The following WDR35 variants were observed in gnomAD, a reference collection of about 807,000 sequenced individuals.
WDR35 encodes the protein WD repeat-containing protein 35.
Under a neutral mutation model 158.3 loss-of-function variants are expected in WDR35, and 118 were observed. That is an observed-to-expected ratio of 0.75 (90% CI 0.64 to 0.87). The LOEUF (loss-of-function observed/expected upper bound fraction) is 0.87, where lower values mean the gene tolerates loss of function less well. Ranked by LOEUF, WDR35 falls within the 40% of genes least tolerant of loss-of-function variation. The pLI is 0.00. For synonymous variants in WDR35, 448 were observed against 476.1 expected (o/e 0.94, Z 0.77); for missense variants, 1,263 against 1,405.8 (o/e 0.90, Z 1.62).
chr2:19,949,248 C>T (rs1353878387), intron 13 of WDR35, among the ~76,000 whole-genome samples: 2 of 152,148 alleles, frequency 1.3e-5, no homozygotes, highest in Admixed American at 1.3e-4. Context: ...TTTGCCACAG[C>T]TGGTATCTGA....
chr2:19,980,176 T>C (rs1191654613), intron 4 of WDR35, among the ~76,000 whole-genome samples: 7 of 152,228 alleles, frequency 4.6e-5, no homozygotes, highest in Non-Finnish European at 8.8e-5. Context: ...CTGAGATAAC[T>C]CTAGCCACTC....
intron 4 of WDR35, among the ~76,000 whole-genome samples, chr2:19,979,094 C>A (rs1672305213): frequency 1.3e-5 from 2 of 152,148 alleles, no homozygotes; most frequent in Middle Eastern, 3.2e-3. Context: ...AAGATTATCA[C>A]AGAAAACATA....
intron 10 of WDR35, among the ~76,000 whole-genome samples, chr2:19,961,240 A>G (rs1192462343): frequency 6.6e-6 from 1 of 152,230 alleles, no homozygotes; most frequent in Non-Finnish European, 1.5e-5. Context: ...ACTCACTTTA[A>G]GAAGGGACAA....
At chr2:19,977,627 G>A (rs964242800) in intron 5 of WDR35, among the ~76,000 whole-genome samples, 1 of 151,874 alleles carries the variant, frequency 6.6e-6, no homozygotes, top group Non-Finnish European at 1.5e-5. Context: ...TTCTTCATAT[G>A]TAGCACAGAG....
At chr2:19,924,489 G>A (rs1015198927) in intron 25 of WDR35, among the ~76,000 whole-genome samples, 11 of 152,156 alleles carry the variant, frequency 7.2e-5, no homozygotes, top group East Asian at 1.9e-4. Flanking sequence ...GCGTGAACCC[G>A]GGAGGCGGAG....
In WDR35 at chr2:19,938,288, C is replaced by G; in HGVS notation, c.2040G>C (p.Glu680Asp). 1.2e-6 allele frequency: 2 copies of G among 1,613,954 alleles called. No individual in the cohort carries two copies. Among genetic ancestry groups the G allele is most frequent in the Non-Finnish European group, 1.7e-6 (2 of 1,180,002 alleles). Residue 680 changes from glutamate to aspartate, a missense_variant, in exon 18 of 27, where the codon GAG (glutamate) becomes GAC (aspartate). Coordinates refer to ENST00000281405, the MANE Select transcript of WDR35 (RefSeq NM_020779.4). ...ACCAAAGTCGGGGGTGTGGATTGTC[C>G]TCTATGAACTGAGATGCATCTTTAA... The part of the protein sequence containing the change: ...VGIKDASQFI[E>D]DNPHPRLWRL...
At chr2:19,983,593 T>C (rs1268071454) in intron 2 of WDR35, among the ~76,000 whole-genome samples, 2 of 152,218 alleles carry the variant, frequency 1.3e-5, no homozygotes, top group African/African-American at 4.8e-5. Context: ...ACAAATGTTA[T>C]GAAGATCTTA....
chr2:19,972,750 AG>A (rs766999950), intron 8 of WDR35, among the ~76,000 whole-genome samples: 17 of 152,088 alleles, frequency 1.1e-4, no homozygotes, highest in Admixed American at 3.9e-4. Context: ...CAACTGGTAT[AG>A]GCTTTTATGC....
intron 25 of WDR35, among the ~76,000 whole-genome samples, chr2:19,929,391 G>A (rs1244966079): frequency 6.6e-6 from 1 of 152,154 alleles, no homozygotes; most frequent in Non-Finnish European, 1.5e-5. Flanking sequence ...TGTGCATATG[G>A]TGATGATGTG....
chr2:19,979,156 T>G (rs999530322), intron 4 of WDR35, among the ~76,000 whole-genome samples: 1 of 152,204 alleles, frequency 6.6e-6, no homozygotes, highest in African/African-American at 2.4e-5. Context: ...TCTCTTTCTT[T>G]CTGTCAATTA....
chr2:19,912,798 T>C lies in WDR35; in HGVS notation c.*760A>G, dbSNP rs1669875427. 1 of 152,164 alleles carries C rather than the reference T, an allele frequency of 6.6e-6. No homozygotes were observed. The highest frequency in any genetic ancestry group is 6.5e-5 in the Admixed American group (1 of 15,276). 9.4% of individuals were successfully genotyped at this position (152,164 alleles called of 1,614,324 possible). ...AAAAAATCACTCCCTCAACAATACT[T>C]GTGTAAATAAACGGTCCAACTTAGT... On this transcript the variant is annotated 3_prime_UTR_variant, in exon 27 of 27. Transcript: ENST00000281405.
At chr2:19,927,718 A>G (rs923425707) in intron 25 of WDR35, among the ~76,000 whole-genome samples, 1 of 152,186 alleles carries the variant, frequency 6.6e-6, no homozygotes, top group Non-Finnish European at 1.5e-5. Context: ...GATATAGCAA[A>G]ATTAAAAGAA....
intron 17 of WDR35, among the ~76,000 whole-genome samples, chr2:19,941,024 T>G (rs922531809): frequency 1.1e-4 from 16 of 152,128 alleles, no homozygotes; most frequent in Non-Finnish European, 1.9e-4. Flanking sequence ...AATTTACATA[T>G]CAAACCCAAA....
intron 5 of WDR35, among the ~76,000 whole-genome samples, chr2:19,976,458 T>C (rs560364916): frequency 5.9e-5 from 9 of 152,256 alleles, no homozygotes; most frequent in Admixed American, 2.0e-4. Context: ...TATATACTAA[T>C]AGTCCAGACC....
chr2:19,950,605 T>C (rs1416170023), intron 13 of WDR35, among the ~76,000 whole-genome samples: 1 of 152,216 alleles, frequency 6.6e-6, no homozygotes, highest in African/African-American at 2.4e-5. Context: ...AAAGCGACTG[T>C]TTCTTATTCA....
chr2:19,974,245 C>T (rs945823332), intron 7 of WDR35, among the ~76,000 whole-genome samples: 28 of 151,864 alleles, frequency 1.8e-4, no homozygotes, highest in African/African-American at 5.1e-4. Flanking sequence ...CCCGTCTCTA[C>T]GAAAAATATA....
chr2:19,970,027 G>A (rs1470930018), intron 8 of WDR35, among the ~76,000 whole-genome samples: 5 of 152,136 alleles, frequency 3.3e-5, no homozygotes, highest in South Asian at 4.1e-4. Context: ...GATTACAGGC[G>A]TGAGCCACCG....
Position 19,955,500 on chromosome 2 carries a change from AAGT to A in WDR35, c.1256-1525_1256-1523del, listed in dbSNP as rs560111302. Among the ~76,000 whole-genome samples the A allele has an allele frequency of 1.4e-3, 216 of 152,352 alleles. 2 individuals are homozygous for A. The highest frequency in any genetic ancestry group is 0.011 in the Admixed American group (171 of 15,304). ...TAGATAAATAAACAGAGGTTTAAAGAAGTAGAACAATTTGCCCAAGGTCACAAA... is the reference window on the plus strand; with the variant it reads ...TAGATAAATAAACAGAGGTTTAAAGAAGAACAATTTGCCCAAGGTCACAAA... On this transcript the variant is annotated intron_variant, in intron 11 of 26. Coordinates refer to ENST00000281405, the MANE Select transcript of WDR35 (RefSeq NM_020779.4).
chr2:19,977,830 C>T (rs1357686324), intron 5 of WDR35, among the ~76,000 whole-genome samples: 1 of 152,174 alleles, frequency 6.6e-6, no homozygotes, highest in African/African-American at 2.4e-5. Context: ...TGATAATCAA[C>T]TTTTTTCAAT....
Sources: gnomAD v4.1 joint callset for allele counts (sites outside exome capture counted in the v4.1 genomes callset) on GRCh38, gnomAD v4.1.1 for gene constraint, MANE v1.5 for transcripts, NCBI Gene and HGNC (gene_info 2026-07-23, HGNC 2026-07-21) for gene names.